ACOT7: variants seen among roughly 807,000 people sequenced by gnomAD.
ACOT7 encodes acyl-CoA thioesterase 7, also known as cytosolic acyl coenzyme A thioester hydrolase.
In ACOT7, 12 loss-of-function variants were observed where a neutral mutation model predicts 40.2. The observed-to-expected ratio is 0.30, with a 90% CI of 0.19 to 0.48. ACOT7 has a LOEUF of 0.48. ACOT7 is among the 20% of genes least tolerant of loss of function. ACOT7 has a pLI of 0.99. For synonymous variants in ACOT7, 228 were observed against 219.5 expected (o/e 1.04, Z -0.34); for missense variants, 395 against 530.8 (o/e 0.74, Z 2.51).
At chr1:6,342,602 C>T (rs1163676395) in intron 2 of ACOT7, among the ~76,000 whole-genome samples, 1 of 152,196 alleles carries the variant, frequency 6.6e-6, no homozygotes, top group Non-Finnish European at 1.5e-5. Flanking sequence ...TGAGTAGCTG[C>T]GACTACAGGC....
At chr1:6,383,290 C>T (rs1642382011) in intron 1 of ACOT7, among the ~76,000 whole-genome samples, 3 of 149,216 alleles carry the variant, frequency 2.0e-5, no homozygotes, top group African/African-American at 7.4e-5. Flanking sequence ...CGGGTTCATG[C>T]CATTCTCCTG....
intron 5 of ACOT7, 150 bp from the exon 6 acceptor site, chr1:6,318,728 G>A (rs1640562617): frequency 5.3e-6 from 4 of 759,690 alleles, no homozygotes; most frequent in South Asian, 1.7e-5. Flanking sequence ...GGAAAACTAT[G>A]GTCTCCAAAC....
chr1:6,377,673 A>G (rs1289127974), intron 1 of ACOT7, among the ~76,000 whole-genome samples: 1 of 152,222 alleles, frequency 6.6e-6, no homozygotes, highest in Non-Finnish European at 1.5e-5. Flanking sequence ...TGTAGTATCA[A>G]AAGCAATTCC....
chr1:6,392,807 T>A (rs1319576397), intron 1 of ACOT7, among the ~76,000 whole-genome samples: 7 of 151,886 alleles, frequency 4.6e-5, no homozygotes, highest in Non-Finnish European at 8.8e-5. Context: ...GGGGCTTTGG[T>A]TAGCGCAGCA....
At position 6,349,736 on chromosome 1, in the gene ACOT7, C is replaced by A. The variant is rs757726898; in HGVS notation, c.261+13G>T. On this transcript the variant is annotated intron_variant, in intron 2 of 8. Coordinates refer to ENST00000361521, the MANE Select transcript of ACOT7 (RefSeq NM_007274.4). ...GCCTCCAGGGCCCAGAGGTATGGGG[C>A]CCAGACCCTTACCCCGTTCTGGCTG... The A allele has an allele frequency of 6.2e-6, 10 of 1,609,506 alleles. No homozygotes were observed. The highest frequency in any genetic ancestry group is 7.6e-6 in the Non-Finnish European group (9 of 1,178,098).
At chr1:6,273,672 A>G (rs1167523628) in intron 8 of ACOT7, among the ~76,000 whole-genome samples, 2 of 152,246 alleles carry the variant, frequency 1.3e-5, no homozygotes, top group African/African-American at 4.8e-5. Flanking sequence ...TTAGTCAACA[A>G]TTAAAAAATT....
intron 8 of ACOT7, among the ~76,000 whole-genome samples, chr1:6,269,819 CAG>C (rs1269351526): frequency 6.6e-6 from 1 of 152,258 alleles, no homozygotes; most frequent in Non-Finnish European, 1.5e-5. Context: ...GGCTCTGAGA[CAG>C]AGTCCAGACC....
chr1:6,281,147 C>A lies in ACOT7; in HGVS notation c.969G>T (p.Val323=). ...GCGACCTGCCTTCCTGGCTCAGCGA[C>A]ACGTAGGTGAAGAAGGCACTGGCGG... ...YRAASAFFTY[V]SLSQEGRSLP... Residue 323 remains valine (V), a synonymous_variant, in exon 8 of 9, where the codon GTG becomes GTT. Transcript: ENST00000361521. 2 of 1,614,104 alleles carry A rather than the reference C, an allele frequency of 1.2e-6. No individual in the cohort carries two copies. Among genetic ancestry groups the A allele is most frequent in the Non-Finnish European group, 1.7e-6 (2 of 1,180,040 alleles).
intron 6 of ACOT7, among the ~76,000 whole-genome samples, chr1:6,307,686 G>C (rs1248769954): frequency 6.6e-6 from 1 of 151,884 alleles, no homozygotes; most frequent in Non-Finnish European, 1.5e-5. Flanking sequence ...GGAGGGGACA[G>C]CAACAGACAG....
At chr1:6,303,746 C>A (rs555482962) in intron 6 of ACOT7, among the ~76,000 whole-genome samples, 3 of 152,302 alleles carry the variant, frequency 2.0e-5, no homozygotes, top group African/African-American at 7.2e-5. Context: ...TGAGAACCTG[C>A]GAGACAGCCC....
At chr1:6,376,344 G>C (rs978138007) in intron 1 of ACOT7, among the ~76,000 whole-genome samples, 1 of 151,908 alleles carries the variant, frequency 6.6e-6, no homozygotes, top group African/African-American at 2.4e-5. Context: ...GAGGTAGGAA[G>C]ATCACCTGAG....
At chr1:6,308,006 G>GCAGAGGGAACCACAACCAGT (rs1640210793) in intron 6 of ACOT7, among the ~76,000 whole-genome samples, 2 of 151,140 alleles carry the variant, frequency 1.3e-5, no homozygotes, top group Non-Finnish European at 2.9e-5. Flanking sequence ...CCACAACCAG[G>GCAGAGGGAACCACAACCAGT]CAGAGGGAAC....
chr1:6,305,490 G>A (rs1640118179), intron 6 of ACOT7, among the ~76,000 whole-genome samples: 1 of 151,534 alleles, frequency 6.6e-6, no homozygotes, highest in African/African-American at 2.4e-5. Flanking sequence ...CTGCCGGGCG[G>A]AGGGGCTTCT....
chr1:6,377,819 C>A (rs1557673620), intron 1 of ACOT7, among the ~76,000 whole-genome samples: 1 of 152,238 alleles, frequency 6.6e-6, no homozygotes, highest in South Asian at 2.1e-4. Flanking sequence ...GCCTGTAATC[C>A]CAGCACTTTG....
chr1:6,279,750 C>T (rs774762240), intron 8 of ACOT7, among the ~76,000 whole-genome samples: 11 of 152,314 alleles, frequency 7.2e-5, no homozygotes, highest in Non-Finnish European at 1.3e-4. Context: ...CTCGCTGGGC[C>T]TGACAGCTCA....
chr1:6,291,423 G>T (rs1165386359), intron 7 of ACOT7, among the ~76,000 whole-genome samples: 2 of 152,110 alleles, frequency 1.3e-5, no homozygotes, highest in Admixed American at 1.3e-4. Flanking sequence ...GGCAGGGACG[G>T]ATCCTCCCCT....
At chr1:6,273,847 C>T (rs1003556571) in intron 8 of ACOT7, among the ~76,000 whole-genome samples, 1 of 152,216 alleles carries the variant, frequency 6.6e-6, no homozygotes, top group African/African-American at 2.4e-5. Context: ...GGAGTAGGTG[C>T]GGCCCCTCCC....
intron 1 of ACOT7, among the ~76,000 whole-genome samples, chr1:6,357,741 G>T (rs565013689): frequency 2.5e-4 from 38 of 152,296 alleles, no homozygotes; most frequent in African/African-American, 8.4e-4. Context: ...ACACCAGGCA[G>T]CCTTGAGGGA....
chr1:6,285,874 C>T (rs559824742), intron 7 of ACOT7, among the ~76,000 whole-genome samples: 5 of 152,318 alleles, frequency 3.3e-5, no homozygotes, highest in South Asian at 4.1e-4. Flanking sequence ...AAGGGGGGTC[C>T]GCACCTGCCT....
Sources: allele counts gnomAD v4.1 joint callset (sites outside exome capture counted in the v4.1 genomes callset), GRCh38; gene constraint gnomAD v4.1.1; transcripts MANE v1.5; gene names NCBI Gene and HGNC (gene_info 2026-07-23, HGNC 2026-07-21).